NELL1: variants seen among roughly 807,000 people sequenced by gnomAD.
NELL1 encodes neural EGFL like 1, also known as protein kinase C-binding protein NELL1.
A neutral mutation model predicts 107.4 loss-of-function variants in NELL1; 76 were observed. The observed-to-expected ratio is 0.71, with a 90% CI of 0.59 to 0.86. The LOEUF (loss-of-function observed/expected upper bound fraction) is 0.86, where lower values mean the gene tolerates loss of function less well. NELL1 is among the 40% of genes least tolerant of loss of function. NELL1 has a pLI of 0.00. For synonymous variants in NELL1, 353 were observed against 341.2 expected, an observed-to-expected ratio of 1.03 and a Z score of -0.38; for missense variants, 1,024 against 1,005.5, an observed-to-expected ratio of 1.02 and a Z score of -0.25.
chr11:21,147,836 CAAAAAAAA>C (rs35688285), intron 13 of NELL1, among the ~76,000 whole-genome samples: 279 of 28,782 alleles, frequency 9.7e-3, no homozygotes, highest in African/African-American at 0.033. Context: ...AACTCCGTCT[CAAAAAAAA>C]AAAAAAAAAA....
intron 14 of NELL1, among the ~76,000 whole-genome samples, chr11:21,367,261 TACACACACACACACAC>T (rs72275889): frequency 6.3e-4 from 91 of 145,238 alleles, no homozygotes; most frequent in African/African-American, 2.0e-3. Context: ...TTTATCTTAC[TACACACACACACACAC>T]ACACACACAC....
At chr11:21,293,275 G>T (rs1236022791) in intron 14 of NELL1, among the ~76,000 whole-genome samples, 1 of 152,204 alleles carries the variant, frequency 6.6e-6, no homozygotes, top group East Asian at 1.9e-4. Flanking sequence ...AGTGGGTGAA[G>T]GATATCAACA....
intron 4 of NELL1, among the ~76,000 whole-genome samples, chr11:20,856,115 G>A (rs921610457): frequency 6.6e-6 from 1 of 152,160 alleles, no homozygotes; most frequent in Admixed American, 6.5e-5. Context: ...TGGTATATTG[G>A]GGTTAGGATG....
rs1475885063 is a variant in NELL1, at chr11:20,919,284, G to A, written c.709G>A (p.Val237Met). The change falls in exon 7 of 20, where the codon GTG (valine) becomes ATG (methionine). Residue 237 changes from valine (V) to methionine (M), a missense_variant. Val to Met is a conservative substitution (Grantham distance 21). Coordinates refer to ENST00000357134, the MANE Select transcript of NELL1 (RefSeq NM_006157.5). ...AACCTGCAGTGATTTCTTAAGCCTG[G>A]TGCAAGGAATAATGGATTTACAAGA... ...CPTCSDFLSL[V>M]QGIMDLQELL... 1.2e-6 allele frequency: 2 copies of A among 1,606,224 alleles called. No homozygotes were observed. The highest frequency in any genetic ancestry group is 1.1e-5 in the South Asian group (1 of 89,578).
intron 12 of NELL1, among the ~76,000 whole-genome samples, chr11:21,017,972 T>C (rs1852608120): frequency 6.6e-6 from 1 of 152,052 alleles, no homozygotes; most frequent in South Asian, 2.1e-4. Context: ...GCTCTAGTAT[T>C]TCACACTTCT....
intron 2 of NELL1, among the ~76,000 whole-genome samples, chr11:20,759,280 A>T (rs1322570170): frequency 6.6e-6 from 1 of 152,190 alleles, no homozygotes; most frequent in African/African-American, 2.4e-5. Flanking sequence ...TTTTCCATAG[A>T]GCCTTGGCTC....
intron 15 of NELL1, among the ~76,000 whole-genome samples, chr11:21,477,398 T>G (rs1293139637): frequency 6.6e-6 from 1 of 152,040 alleles, no homozygotes; most frequent in Non-Finnish European, 1.5e-5. Flanking sequence ...GTCTCTGCCT[T>G]ATAATTCAGG....
At chr11:20,777,881 C>T (rs1022781712) in intron 2 of NELL1, among the ~76,000 whole-genome samples, 7 of 152,132 alleles carry the variant, frequency 4.6e-5, no homozygotes, top group East Asian at 1.9e-4. Context: ...GCTGATTCTT[C>T]GCTGTGAACT....
intron 17 of NELL1, among the ~76,000 whole-genome samples, chr11:21,570,364 G>T (rs1303990282): frequency 2.0e-5 from 3 of 151,784 alleles, no homozygotes; most frequent in Non-Finnish European, 4.4e-5. Context: ...CAGGGATATA[G>T]TTAGATGAAT....
intron 12 of NELL1, among the ~76,000 whole-genome samples, chr11:21,049,217 G>A (rs1853431525): frequency 6.6e-6 from 1 of 152,118 alleles, no homozygotes; most frequent in Non-Finnish European, 1.5e-5. Context: ...TCTCCACTAA[G>A]GGAAATTCCC....
At chr11:21,543,084 G>A (rs879123983) in intron 16 of NELL1, among the ~76,000 whole-genome samples, 1 of 151,932 alleles carries the variant, frequency 6.6e-6, no homozygotes, top group Admixed American at 6.6e-5. Context: ...GAAAGTTTAA[G>A]AGACAAGGCA....
At chr11:20,922,863 G>A (rs572576742) in intron 7 of NELL1, among the ~76,000 whole-genome samples, 6 of 152,272 alleles carry the variant, frequency 3.9e-5, no homozygotes, top group African/African-American at 1.4e-4. Context: ...TCCTGCTCTT[G>A]TAAAGATTCC....
intron 3 of NELL1, among the ~76,000 whole-genome samples, chr11:20,845,799 C>T (rs556450130): frequency 2.0e-5 from 3 of 152,070 alleles, no homozygotes; most frequent in South Asian, 2.1e-4. Context: ...TTGGGGGGGC[C>T]GTGGGGAGGG....
At chr11:21,423,506 GA>G (rs1852744938) in intron 15 of NELL1, among the ~76,000 whole-genome samples, 1 of 151,768 alleles carries the variant, frequency 6.6e-6, no homozygotes, top group Admixed American at 6.6e-5. Flanking sequence ...ATTATAAGAA[GA>G]AATAGGTATT....
At chr11:21,374,271 A>G (rs1851417894) in intron 15 of NELL1, among the ~76,000 whole-genome samples, 2 of 152,036 alleles carry the variant, frequency 1.3e-5, no homozygotes, top group Non-Finnish European at 2.9e-5. Flanking sequence ...GTTCTAGCTC[A>G]GGGACTTTTA....
chr11:21,351,032 T>G (rs1343347811), intron 14 of NELL1, among the ~76,000 whole-genome samples: 1 of 152,116 alleles, frequency 6.6e-6, no homozygotes, highest in African/African-American at 2.4e-5. Flanking sequence ...ATAATTGGAT[T>G]GGTATAAATG....
chr11:21,158,427 A>G (rs1169383295), intron 13 of NELL1, among the ~76,000 whole-genome samples: 1 of 152,214 alleles, frequency 6.6e-6, no homozygotes, highest in East Asian at 1.9e-4. Flanking sequence ...CTTAAATGAG[A>G]GGATTAATTT....
intron 12 of NELL1, among the ~76,000 whole-genome samples, chr11:21,060,190 A>G (rs75468451): frequency 0.02 from 3,062 of 151,810 alleles, 82 homozygotes; most frequent in African/African-American, 0.07. Context: ...ATGGCTCTGA[A>G]CTCCCACAGC....
chr11:21,072,781 A>T (rs1165536397), intron 12 of NELL1, among the ~76,000 whole-genome samples: 2 of 152,204 alleles, frequency 1.3e-5, no homozygotes, highest in Admixed American at 6.6e-5. Context: ...ATCAGTAAGG[A>T]ATAACATGCC....
Sources: gnomAD v4.1 joint callset for allele counts (sites outside exome capture counted in the v4.1 genomes callset) on GRCh38, gnomAD v4.1.1 for gene constraint, MANE v1.5 for transcripts, NCBI Gene and HGNC (gene_info 2026-07-23, HGNC 2026-07-21) for gene names.